The following PTDSS1 variants were observed in gnomAD, a reference collection of about 807,000 sequenced individuals.
PTDSS1 encodes the protein phosphatidylserine synthase 1.
Under a neutral mutation model 70.5 loss-of-function variants are expected in PTDSS1, and 45 were observed. The observed-to-expected ratio is 0.64, with a 90% CI of 0.50 to 0.82. The LOEUF (loss-of-function observed/expected upper bound fraction) is 0.82, where lower values mean the gene tolerates loss of function less well. Ranked by LOEUF, PTDSS1 falls within the 40% of genes least tolerant of loss-of-function variation. The pLI is 0.00. For synonymous variants in PTDSS1, 188 were observed against 203.8 expected, an observed-to-expected ratio of 0.92 and a Z score of 0.66; for missense variants, 417 against 586.1, an observed-to-expected ratio of 0.71 and a Z score of 2.98.
At chr8:96,331,966 C>T (rs555823734) in intron 12 of PTDSS1, among the ~76,000 whole-genome samples, 3 of 130,570 alleles carry the variant, frequency 2.3e-5, no homozygotes, top group African/African-American at 8.7e-5. Flanking sequence ...AGGAGGGTCA[C>T]TTGAGCCCAG....
At chr8:96,301,908 T>C (rs1811056422) in intron 6 of PTDSS1, among the ~76,000 whole-genome samples, 1 of 152,202 alleles carries the variant, frequency 6.6e-6, no homozygotes, top group East Asian at 1.9e-4. Context: ...GATTTCACAA[T>C]GTTTTTGCCA....
At chr8:96,289,404 A>G (rs922351903) in intron 4 of PTDSS1, among the ~76,000 whole-genome samples, 4 of 152,332 alleles carry the variant, frequency 2.6e-5, no homozygotes, top group African/African-American at 7.2e-5. Flanking sequence ...GGAAACTCCA[A>G]GGAATTAGGA....
At chr8:96,322,601 T>G (rs1326100926) in intron 10 of PTDSS1, among the ~76,000 whole-genome samples, 2 of 152,152 alleles carry the variant, frequency 1.3e-5, no homozygotes, top group African/African-American at 4.8e-5. Flanking sequence ...CCTCCCAATA[T>G]CATTACATTG....
chr8:96,330,308 A>G lies in PTDSS1; in HGVS notation c.1242+27A>G, dbSNP rs2280263. 752,835 of 1,582,444 alleles carry G rather than the reference A, an allele frequency of 0.48. 182,183 individuals carry two copies. Among genetic ancestry groups the G allele is most frequent in the East Asian group, 0.62 (27,869 of 44,616 alleles). Reference sequence around the variant, plus strand: ...TATGGAAGGAGAGGCAGGCATGGCCATTGTTTAAAATAATCACCCCGGGCT... The same window carrying G: ...TATGGAAGGAGAGGCAGGCATGGCCGTTGTTTAAAATAATCACCCCGGGCT... On this transcript the variant is annotated intron_variant, in intron 11 of 12. Coordinates refer to ENST00000517309, the MANE Select transcript of PTDSS1 (RefSeq NM_014754.3).
intron 1 of PTDSS1, among the ~76,000 whole-genome samples, chr8:96,271,901 A>G (rs1345733217): frequency 6.6e-6 from 1 of 152,122 alleles, no homozygotes; most frequent in African/African-American, 2.4e-5. Flanking sequence ...ACTATTTTTA[A>G]CTTACCATGA....
At chr8:96,270,884 C>T (rs997094721) in intron 1 of PTDSS1, among the ~76,000 whole-genome samples, 4 of 152,102 alleles carry the variant, frequency 2.6e-5, no homozygotes, top group African/African-American at 9.7e-5. Context: ...ACAAAACTGC[C>T]ATTTCATTGG....
chr8:96,320,825 C>T (rs1020142962), intron 10 of PTDSS1, among the ~76,000 whole-genome samples: 7 of 152,190 alleles, frequency 4.6e-5, no homozygotes, highest in Non-Finnish European at 8.8e-5. Flanking sequence ...TCCAGGTCCA[C>T]GTTATAACCC....
rs1811127073 is a variant in PTDSS1, at chr8:96,306,512, G to C, written c.963G>C (p.Trp321Cys). ...FVFQASHPLS[W>C]GRILFIGGIT... Reference sequence around the variant, plus strand: ...TCCAAGCCAGTCATCCATTAAGTTGGGGTAGAATTCTCTTTATTGGTGGCA... The same window carrying C: ...TCCAAGCCAGTCATCCATTAAGTTGCGGTAGAATTCTCTTTATTGGTGGCA... Residue 321 changes from tryptophan to cysteine, a missense_variant, in exon 8 of 13, where the codon TGG (tryptophan) becomes TGC (cysteine). Physicochemically the swap from Trp to Cys is radical, Grantham distance 215. This residue lies in a region of PTDSS1 where 272 missense variants were observed against 429.5 expected (regional missense o/e 0.63). Transcript: ENST00000517309. 10 of 1,614,038 alleles carry C rather than the reference G, an allele frequency of 6.2e-6. No individual in the cohort carries two copies. In the East Asian group the frequency reaches 2.2e-4, roughly 36 times the overall value.
At chr8:96,308,384 G>A (rs1272364719) in intron 8 of PTDSS1, among the ~76,000 whole-genome samples, 1 of 152,194 alleles carries the variant, frequency 6.6e-6, no homozygotes, top group Non-Finnish European at 1.5e-5. Flanking sequence ...GACGACAGTA[G>A]TTTATGGATG....
intron 3 of PTDSS1, among the ~76,000 whole-genome samples, chr8:96,286,129 A>T (rs1810819195): frequency 6.6e-6 from 1 of 152,158 alleles, no homozygotes; most frequent in African/African-American, 2.4e-5. Context: ...GGAGTGGCTC[A>T]CTGGAGATTA....
chr8:96,336,995 CAAAAAAAAAAAAAA>C (rs35919374), downstream of PTDSS1: 18 of 54,802 alleles, frequency 3.3e-4, no homozygotes, highest in South Asian at 1.1e-3. Context: ...GAGACTATCT[CAAAAAAAAAAAAAA>C]AAAAAAAAAA....
chr8:96,274,584 G>T (rs544098049), intron 2 of PTDSS1, among the ~76,000 whole-genome samples: 1 of 152,166 alleles, frequency 6.6e-6, no homozygotes, highest in Non-Finnish European at 1.5e-5. Flanking sequence ...AATTAGCCAG[G>T]CGTGGTGGTG....
At chr8:96,293,415 C>T (rs1262161331) in intron 4 of PTDSS1, among the ~76,000 whole-genome samples, 1 of 152,234 alleles carries the variant, frequency 6.6e-6, no homozygotes, top group African/African-American at 2.4e-5. Context: ...TCTGTCTTTA[C>T]CCATCTTTTG....
chr8:96,277,806 A>G lies in PTDSS1; in HGVS notation c.271+4416A>G, dbSNP rs528541960. Among the ~76,000 whole-genome samples, 3 of 152,348 alleles carry G rather than the reference A, an allele frequency of 2.0e-5. No individual in the cohort carries two copies. The South Asian group carries it at 6.2e-4, about 32-fold the overall frequency. On this transcript the variant is annotated intron_variant, in intron 2 of 12. Coordinates refer to ENST00000517309, the MANE Select transcript of PTDSS1 (RefSeq NM_014754.3). ...GGGAGCCTTGTGATTCTTTTTGTAGAGTCTAAATAACAAAAAAGACCTTTG... is the reference window on the plus strand; with the variant it reads ...GGGAGCCTTGTGATTCTTTTTGTAGGGTCTAAATAACAAAAAAGACCTTTG...
rs1372556292 is a variant in PTDSS1, at chr8:96,279,134, C to G, written c.272-4975C>G. On this transcript the variant is annotated intron_variant, in intron 2 of 12. Transcript: ENST00000517309. ...TACAGGTGCATGCCACCACGCCCAG[C>G]TAATTTTTTTTTTTTTTTGTATTTT... is the stretch of plus-strand genomic sequence containing the variant. Among the ~76,000 whole-genome samples, 37 of 150,826 alleles carry G rather than the reference C, an allele frequency of 2.5e-4. 1 individual carries two copies. Among genetic ancestry groups the G allele is most frequent in the Admixed American group, 2.4e-3 (37 of 15,174 alleles).
intron 10 of PTDSS1, among the ~76,000 whole-genome samples, chr8:96,326,629 A>G (rs1049420291): frequency 6.6e-6 from 1 of 152,182 alleles, no homozygotes; most frequent in Non-Finnish European, 1.5e-5. Flanking sequence ...GTGACAGTGA[A>G]GAGTTGGATG....
chr8:96,295,029 C>A, intron 4 of PTDSS1, 69 bp from the exon 5 acceptor site: 1 of 1,418,300 alleles, frequency 7.1e-7, no homozygotes, highest in Non-Finnish European at 9.6e-7. Context: ...TTTTTATTTA[C>A]CGGCAGAATC....
At chr8:96,309,103 A>G (rs1811167893) in intron 8 of PTDSS1, 1 of 154,000 alleles carries the variant, frequency 6.5e-6, no homozygotes, top group African/African-American at 2.4e-5. Flanking sequence ...CTAGACATGG[A>G]AACACCCACC....
At chr8:96,304,452 C>G (rs1361672298) in intron 7 of PTDSS1, among the ~76,000 whole-genome samples, 2 of 152,186 alleles carry the variant, frequency 1.3e-5, no homozygotes, top group African/African-American at 4.8e-5. Flanking sequence ...TGTCTAGCAT[C>G]CATCATCCAA....
Sources: allele counts gnomAD v4.1 joint callset (sites outside exome capture counted in the v4.1 genomes callset), GRCh38; gene constraint gnomAD v4.1.1; regional missense constraint gnomAD v4.1.1; transcripts MANE v1.5; gene names NCBI Gene and HGNC (gene_info 2026-07-23, HGNC 2026-07-21).